Variants in SP4 observed in about 807,000 individuals in gnomAD.
The protein encoded by SP4 is transcription factor Sp4.
SP4 carries 19 observed loss-of-function variants against 72.8 expected under a neutral mutation model. That is an observed-to-expected ratio of 0.26 (90% CI 0.18 to 0.38). SP4 has a LOEUF of 0.38. Among genes scored for constraint, SP4 ranks in the 10% least tolerant of loss-of-function variants. SP4 has a pLI of 1.00. For synonymous variants in SP4, 395 were observed against 333.1 expected (o/e 1.19, Z -2.02); for missense variants, 1,008 against 926.3 (o/e 1.09, Z -1.14).
chr7:21,444,657 G>A (rs868556592), intron 3 of SP4, among the ~76,000 whole-genome samples: 69 of 152,112 alleles, frequency 4.5e-4, no homozygotes, highest in African/African-American at 1.6e-3. Context: ...CACTGTTTAA[G>A]CACTTTATGT....
chr7:21,454,283 T>A (rs1783689898), intron 3 of SP4, among the ~76,000 whole-genome samples: 1 of 152,174 alleles, frequency 6.6e-6, no homozygotes, highest in Non-Finnish European at 1.5e-5. Context: ...TAGTAGAAGT[T>A]TAGGAAGCAT....
intron 4 of SP4, among the ~76,000 whole-genome samples, chr7:21,480,954 G>T (rs1162984035): frequency 6.6e-6 from 1 of 152,164 alleles, no homozygotes; most frequent in Admixed American, 6.5e-5. Flanking sequence ...TGAACCGGGG[G>T]TTGAGACAGT....
chr7:21,430,071 C>G lies in SP4; in HGVS notation c.906C>G (p.Ser302=). 1 of 1,614,134 alleles carries G rather than the reference C, an allele frequency of 6.2e-7. No homozygotes were observed. The highest frequency in any genetic ancestry group is 8.5e-7 in the Non-Finnish European group (1 of 1,180,032). The change falls in exon 3 of 6, where the codon TCC becomes TCG. Residue 302 remains serine (S), a synonymous_variant. Transcript: ENST00000222584. ...SGTSNGNQLV[S]TPTNTTTSAS... ...CTTCCAATGGGAATCAATTAGTTTC[C>G]ACACCCACCAACACCACTACTTCTG...
intron 5 of SP4, among the ~76,000 whole-genome samples, chr7:21,504,703 T>C (rs976390655): frequency 6.6e-6 from 1 of 152,224 alleles, no homozygotes; most frequent in African/African-American, 2.4e-5. Flanking sequence ...TTCTTAATAA[T>C]ATGGCTTCAT....
intron 5 of SP4, among the ~76,000 whole-genome samples, chr7:21,499,059 G>A (rs1157932638): frequency 5.0e-5 from 7 of 141,004 alleles, no homozygotes; most frequent in African/African-American, 1.1e-4. Flanking sequence ...CAGCCTGGGC[G>A]ATGGAGCAAG....
At chr7:21,489,180 T>G (rs1199540906) in intron 5 of SP4, among the ~76,000 whole-genome samples, 2 of 152,244 alleles carry the variant, frequency 1.3e-5, no homozygotes, top group East Asian at 3.8e-4. Context: ...ATTGTATCAA[T>G]AATTATAAGC....
intron 3 of SP4, among the ~76,000 whole-genome samples, chr7:21,445,988 ATGTGTGTGTGTGTG>A (rs4000966): frequency 0.036 from 5,103 of 143,192 alleles, 285 homozygotes; most frequent in African/African-American, 0.12. Flanking sequence ...TCTTATGTGT[ATGTGTGTGTGTGTG>A]TGTGTGTGTG....
At position 21,458,980 on chromosome 7, in the gene SP4, G is replaced by A. The variant is rs73265634; in HGVS notation, c.1679-18099G>A. Among the ~76,000 whole-genome samples, 1,147 of 152,256 alleles carry A rather than the reference G, an allele frequency of 7.5e-3. 16 individuals are homozygous for A. The highest frequency in any genetic ancestry group is 0.025 in the African/African-American group (1,046 of 41,542). ...ACCTCTCTTGGCCCTAAACTATGCA[G>A]CTATTTTAAGCTATGACCCTAACAA... On this transcript the variant is annotated intron_variant, in intron 3 of 5. Transcript: ENST00000222584.
chr7:21,511,780 T>C lies in SP4; in HGVS notation c.*511T>C, dbSNP rs1782147200. On this transcript the variant is annotated 3_prime_UTR_variant, in exon 6 of 6. Coordinates refer to ENST00000222584, the MANE Select transcript of SP4 (RefSeq NM_003112.5). ...TCAACCGAAAATAGTTTGGCCGTCTTTTCTAAATGTTAGAAATTCTTCAAC... is the reference window on the plus strand; with the variant it reads ...TCAACCGAAAATAGTTTGGCCGTCTCTTCTAAATGTTAGAAATTCTTCAAC... The C allele has an allele frequency of 6.5e-6, 1 of 154,892 alleles. No homozygotes were observed. The highest frequency in any genetic ancestry group is 6.3e-5 in the Admixed American group (1 of 15,778). The allele number at this position is 154,892 out of a possible 1,614,324, so 9.6% of individuals were successfully genotyped here. A position where few individuals can be genotyped will look rare whatever the true frequency, so the allele number is the denominator to read the frequency against.
At chr7:21,490,301 C>G (rs1784942409) in intron 5 of SP4, among the ~76,000 whole-genome samples, 2 of 152,290 alleles carry the variant, frequency 1.3e-5, no homozygotes, top group South Asian at 4.1e-4. Context: ...TAAGAGAAAC[C>G]TCTTGTATCT....
chr7:21,460,585 G>A (rs1311596506), intron 3 of SP4, among the ~76,000 whole-genome samples: 2 of 152,124 alleles, frequency 1.3e-5, no homozygotes, highest in African/African-American at 4.8e-5. Flanking sequence ...CGGGCAGCCT[G>A]CTTTTATTTT....
At chr7:21,501,243 G>C (rs925450337) in intron 5 of SP4, among the ~76,000 whole-genome samples, 2 of 152,120 alleles carry the variant, frequency 1.3e-5, no homozygotes, top group African/African-American at 4.8e-5. Context: ...CCTTCTAGGT[G>C]CGTGAGCCGT....
chr7:21,428,533 C>A, intron 1 of SP4, 144 bp from the exon 2 acceptor site: 1 of 949,724 alleles, frequency 1.1e-6, no homozygotes, highest in Non-Finnish European at 1.5e-6. Flanking sequence ...TCCTTCTCCC[C>A]CACCCCCTGC....
Position 21,438,209 on chromosome 7 carries a change from T to C in SP4, c.1678+7366T>C, listed in dbSNP as rs1363986899. On this transcript the variant is annotated intron_variant, in intron 3 of 5. Coordinates refer to ENST00000222584, the MANE Select transcript of SP4 (RefSeq NM_003112.5). ...AATTTCTTGTACCATATAGAAAATT[T>C]GCTTAAACTATAAACTCTGAGTCTT... Among the ~76,000 whole-genome samples, 5 of 152,296 alleles carry C rather than the reference T, an allele frequency of 3.3e-5. No homozygotes were observed. The East Asian group carries it at 9.6e-4, about 29-fold the overall frequency.
At chr7:21,469,158 A>G (rs972710019) in intron 3 of SP4, among the ~76,000 whole-genome samples, 6 of 152,192 alleles carry the variant, frequency 3.9e-5, no homozygotes, top group Admixed American at 3.9e-4. Context: ...ATGGTATATG[A>G]TGAAATATTG....
intron 5 of SP4, among the ~76,000 whole-genome samples, chr7:21,508,044 G>A (rs1235611433): frequency 1.3e-5 from 2 of 152,034 alleles, no homozygotes; most frequent in East Asian, 1.9e-4. Flanking sequence ...CCTGGTTGCT[G>A]CAGTGCCTGC....
At chr7:21,441,419 A>T (rs1269339596) in intron 3 of SP4, among the ~76,000 whole-genome samples, 2 of 152,222 alleles carry the variant, frequency 1.3e-5, no homozygotes, top group African/African-American at 4.8e-5. Context: ...TTTGCCAACC[A>T]AACAGCCTTC....
intron 3 of SP4, among the ~76,000 whole-genome samples, chr7:21,453,367 G>A (rs925729430): frequency 2.6e-5 from 4 of 152,062 alleles, no homozygotes; most frequent in Admixed American, 6.6e-5. Context: ...TTAAAACAAG[G>A]TAACAATTAT....
At chr7:21,481,555 C>T (rs1009120217) in intron 4 of SP4, among the ~76,000 whole-genome samples, 8 of 152,126 alleles carry the variant, frequency 5.3e-5, no homozygotes, top group African/African-American at 1.7e-4. Context: ...CTGCTAGAAA[C>T]GAAACTCTGC....
Sources: allele counts gnomAD v4.1 joint callset (sites outside exome capture counted in the v4.1 genomes callset), GRCh38; gene constraint gnomAD v4.1.1; transcripts MANE v1.5; gene names NCBI Gene and HGNC (gene_info 2026-07-23, HGNC 2026-07-21).